AGMO: variants seen among roughly 807,000 people sequenced by gnomAD.
AGMO encodes the protein alkylglycerol monooxygenase, also known as glyceryl-ether monooxygenase.
Under a neutral mutation model 60.2 loss-of-function variants are expected in AGMO, and 75 were observed. That is an observed-to-expected ratio of 1.25 (90% CI 1.03 to 1.51). The LOEUF (loss-of-function observed/expected upper bound fraction) is 1.51, where lower values mean the gene tolerates loss of function less well. AGMO is among the 40% of genes most tolerant of loss of function. The pLI is 0.00. For missense variants in AGMO, 763 were observed against 525.5 expected, an observed-to-expected ratio of 1.45 and a Z score of -4.42; for synonymous variants, 261 against 177.1, an observed-to-expected ratio of 1.47 and a Z score of -3.76.
intron 3 of AGMO, among the ~76,000 whole-genome samples, chr7:15,522,215 G>A (rs934564869): frequency 1.3e-5 from 2 of 152,090 alleles, no homozygotes; most frequent in Non-Finnish European, 2.9e-5. Context: ...CAAACAAATG[G>A]AAAATTATTC....
intron 12 of AGMO, among the ~76,000 whole-genome samples, chr7:15,275,391 G>C (rs2128516097): frequency 6.6e-6 from 1 of 151,852 alleles, no homozygotes; most frequent in East Asian, 1.9e-4. Flanking sequence ...ATTCCACTGT[G>C]GTATAAAAAG....
intron 3 of AGMO, among the ~76,000 whole-genome samples, chr7:15,519,021 TA>T (rs1322932437): frequency 1.3e-5 from 2 of 151,380 alleles, no homozygotes; most frequent in African/African-American, 2.4e-5. Flanking sequence ...TCCTGAAGCA[TA>T]CACAAGTATC....
At chr7:15,174,639 C>T in the AGMO span, among the ~76,000 whole-genome samples, 12 of 151,962 alleles carry the variant, frequency 7.9e-5, no homozygotes, top group East Asian at 2.3e-3. Context: ...CATTTAGACA[C>T]AAAATACCCT....
chr7:15,270,596 A>ATTTTTTTTTTTTTTT lies in AGMO; in HGVS notation c.1264-69252_1264-69238dup, dbSNP rs527463907. Among the ~76,000 whole-genome samples, 76 of 48,052 alleles carry ATTTTTTTTTTTTTTT rather than the reference A, an allele frequency of 1.6e-3. 8 individuals are homozygous for ATTTTTTTTTTTTTTT. Among genetic ancestry groups the ATTTTTTTTTTTTTTT allele is most frequent in the Non-Finnish European group, 2.1e-3 (54 of 25,766 alleles). 31.5% of individuals were successfully genotyped at this position (48,052 alleles called of 152,430 possible). A position where few individuals can be genotyped will look rare whatever the true frequency, so the allele number is the denominator to read the frequency against. On this transcript the variant is annotated intron_variant, in intron 12 of 12. Transcript: ENST00000342526. ...ATTAAACAAATTTAATCTGTTGATA[A>ATTTTTTTTTTTTTTT]TTTTTTTTTTTTTTTTTTTTTTTTT...
At chr7:15,429,854 C>G (rs1350766363) in intron 4 of AGMO, among the ~76,000 whole-genome samples, 1 of 151,918 alleles carries the variant, frequency 6.6e-6, no homozygotes, top group African/African-American at 2.4e-5. Context: ...ATCTTCAGTT[C>G]CCTGAGAATG....
intron 12 of AGMO, among the ~76,000 whole-genome samples, chr7:15,310,561 T>A (rs1780741485): frequency 6.6e-6 from 1 of 151,084 alleles, no homozygotes; most frequent in African/African-American, 2.4e-5. Context: ...TTTTAAGTAA[T>A]AATGTGTCTA....
At chr7:15,334,808 A>T (rs1781602944) in intron 12 of AGMO, among the ~76,000 whole-genome samples, 1 of 152,088 alleles carries the variant, frequency 6.6e-6, no homozygotes, top group Non-Finnish European at 1.5e-5. Flanking sequence ...ATTACAACAT[A>T]CCCATGGCGT....
At chr7:15,369,699 G>T (rs1368395543) in intron 10 of AGMO, among the ~76,000 whole-genome samples, 2 of 151,924 alleles carry the variant, frequency 1.3e-5, no homozygotes, top group African/African-American at 4.8e-5. Context: ...TGCATTCTCT[G>T]TTGTCTGTCT....
At chr7:15,286,333 A>G (rs996122127) in intron 12 of AGMO, among the ~76,000 whole-genome samples, 1 of 152,114 alleles carries the variant, frequency 6.6e-6, no homozygotes. Flanking sequence ...CTGACAAAGA[A>G]CTAATATTCA....
chr7:15,301,097 T>C (rs776449900), intron 12 of AGMO, among the ~76,000 whole-genome samples: 125 of 152,174 alleles, frequency 8.2e-4, no homozygotes, highest in Admixed American at 2.5e-3. Flanking sequence ...ATTTCAGTGA[T>C]TGCATGTGTT....
In AGMO at chr7:15,381,178, T is replaced by C. The variant is rs143481406; in HGVS notation, c.1074+4268A>G. Among the ~76,000 whole-genome samples the C allele has an allele frequency of 5.6e-3, 859 of 152,068 alleles. 11 individuals carry two copies. The highest frequency in any genetic ancestry group is 0.014 in the South Asian group (68 of 4,824). On this transcript the variant is annotated intron_variant, in intron 10 of 12. Transcript: ENST00000342526. ...TGCAACAAAACCAAAAATTAACAAA[T>C]GGGATCTAATTAAACTGAAGAGCTT...
chr7:15,193,259 CT>C, the AGMO span, among the ~76,000 whole-genome samples: 1 of 149,146 alleles, frequency 6.7e-6, no homozygotes, highest in Admixed American at 6.7e-5. Flanking sequence ...TAATTTTTCT[CT>C]TATTAAGTGA....
the AGMO span, among the ~76,000 whole-genome samples, chr7:15,126,146 A>C: frequency 1.3e-5 from 2 of 152,130 alleles, no homozygotes; most frequent in African/African-American, 4.8e-5. Flanking sequence ...CTCAGTTTGA[A>C]ATGAGAAGAC....
the AGMO span, among the ~76,000 whole-genome samples, chr7:15,138,180 C>A: frequency 4.6e-5 from 7 of 152,168 alleles, no homozygotes; most frequent in Non-Finnish European, 7.3e-5. Context: ...TTATTGGTAC[C>A]TTTAGCTTGC....
At chr7:15,343,076 T>C (rs1038784449) in intron 12 of AGMO, among the ~76,000 whole-genome samples, 5 of 152,176 alleles carry the variant, frequency 3.3e-5, no homozygotes, top group Admixed American at 3.3e-4. Flanking sequence ...AGAAAATTTA[T>C]ACTTTTATAT....
chr7:15,442,844 GAACACAC>G (rs1286933927), intron 3 of AGMO, among the ~76,000 whole-genome samples: 2 of 152,062 alleles, frequency 1.3e-5, no homozygotes, highest in Admixed American at 1.3e-4. Flanking sequence ...ACATCGAGAG[GAACACAC>G]AAGTGGAAGA....
At chr7:15,191,969 T>TCA in the AGMO span, among the ~76,000 whole-genome samples, 19 of 73,544 alleles carry the variant, frequency 2.6e-4, no homozygotes, top group African/African-American at 6.9e-4. Flanking sequence ...CCTCTGTCTC[T>TCA]CTCTCACACA....
chr7:15,438,431 T>C (rs972628403), intron 3 of AGMO, among the ~76,000 whole-genome samples: 67 of 152,168 alleles, frequency 4.4e-4, no homozygotes, highest in Non-Finnish European at 9.6e-4. Context: ...GATACAATAA[T>C]ATTTAATAAC....
In AGMO at chr7:15,331,308, C is replaced by T. The variant is rs116144688; in HGVS notation, c.1263+34206G>A. ...CTGTGAGAAATAAAAATGATTATTA[C>T]GGCTTAAGCCACTAAGGTTTAGGAT... On this transcript the variant is annotated intron_variant, in intron 12 of 12. Coordinates refer to ENST00000342526, the MANE Select transcript of AGMO (RefSeq NM_001004320.2). Among the ~76,000 whole-genome samples, 1,007 of 152,240 alleles carry T rather than the reference C, an allele frequency of 6.6e-3. 12 individuals are homozygous for T. The highest frequency in any genetic ancestry group is 0.023 in the African/African-American group (954 of 41,550).
Sources: gnomAD v4.1 joint callset for allele counts (sites outside exome capture counted in the v4.1 genomes callset) on GRCh38, gnomAD v4.1.1 for gene constraint, MANE v1.5 for transcripts, NCBI Gene and HGNC (gene_info 2026-07-23, HGNC 2026-07-21) for gene names.